The following ARHGAP12 variants were observed in gnomAD, a reference collection of about 807,000 sequenced individuals.
ARHGAP12 encodes rho GTPase-activating protein 12.
A neutral mutation model predicts 108.6 loss-of-function variants in ARHGAP12; 64 were observed. The observed-to-expected ratio is 0.59, with a 90% CI of 0.48 to 0.73. The LOEUF (loss-of-function observed/expected upper bound fraction) is 0.73, where lower values mean the gene tolerates loss of function less well. Ranked by LOEUF, ARHGAP12 falls within the 30% of genes least tolerant of loss-of-function variation. The probability of loss-of-function intolerance (pLI) is 0.00; values close to 1 mark genes in which losing one functional copy is unlikely to be tolerated. For synonymous variants in ARHGAP12, 312 were observed against 337.2 expected, an observed-to-expected ratio of 0.93 and a Z score of 0.82; for missense variants, 940 against 1,005.9, an observed-to-expected ratio of 0.93 and a Z score of 0.89.
chr10:31,920,351 G>A (rs1271591165), intron 1 of ARHGAP12, among the ~76,000 whole-genome samples: 2 of 145,742 alleles, frequency 1.4e-5, no homozygotes, highest in African/African-American at 5.1e-5. Context: ...TAGGGAGGCT[G>A]AGGCAGGAGA....
chr10:31,817,753 C>A, intron 13 of ARHGAP12, 35 bp downstream of exon 13: 1 of 1,414,596 alleles, frequency 7.1e-7, no homozygotes, highest in South Asian at 1.3e-5. Flanking sequence ...AAAAACAGCT[C>A]TGAAGTAAAA....
At chr10:31,863,468 C>T (rs1293549818) in intron 3 of ARHGAP12, among the ~76,000 whole-genome samples, 2 of 152,208 alleles carry the variant, frequency 1.3e-5, no homozygotes, top group South Asian at 2.1e-4. Flanking sequence ...TGTTTATGAA[C>T]AAACTCTACT....
At chr10:31,858,619 A>G (rs779750837) in intron 4 of ARHGAP12, among the ~76,000 whole-genome samples, 3 of 152,154 alleles carry the variant, frequency 2.0e-5, no homozygotes, top group Non-Finnish European at 4.4e-5. Context: ...TGTGACAACC[A>G]AAACAAGTCT....
At chr10:31,876,797 A>C (rs1200893820) in intron 3 of ARHGAP12, among the ~76,000 whole-genome samples, 1 of 152,248 alleles carries the variant, frequency 6.6e-6, no homozygotes, top group Non-Finnish European at 1.5e-5. Flanking sequence ...TGCTACGAAC[A>C]GTTAGTGCTA....
intron 12 of ARHGAP12, 52 bp downstream of exon 12, chr10:31,820,335 C>T: frequency 7.1e-7 from 1 of 1,413,052 alleles, no homozygotes; most frequent in Non-Finnish European, 9.7e-7. Context: ...AAAAACAGAA[C>T]ATCCAATTAC....
intron 9 of ARHGAP12, among the ~76,000 whole-genome samples, chr10:31,837,570 T>C (rs1360720681): frequency 6.6e-6 from 1 of 152,130 alleles, no homozygotes; most frequent in East Asian, 1.9e-4. Flanking sequence ...GAAGGGTCCA[T>C]CTTGATGGAG....
intron 3 of ARHGAP12, among the ~76,000 whole-genome samples, chr10:31,906,043 A>C (rs909427837): frequency 3.3e-5 from 5 of 152,236 alleles, no homozygotes; most frequent in Admixed American, 6.5e-5. Context: ...AAAGATGAGG[A>C]CTAAAGGACA....
chr10:31,811,951 G>T (rs1041330867), intron 15 of ARHGAP12, among the ~76,000 whole-genome samples: 3 of 152,044 alleles, frequency 2.0e-5, no homozygotes, highest in African/African-American at 7.2e-5. Flanking sequence ...CACTGCACCT[G>T]GCCTTAAATA....
chr10:31,879,567 G>C (rs1837859144), intron 3 of ARHGAP12, among the ~76,000 whole-genome samples: 1 of 152,130 alleles, frequency 6.6e-6, no homozygotes, highest in Non-Finnish European at 1.5e-5. Flanking sequence ...TCTCAAAATT[G>C]TTTAACTTAT....
intron 12 of ARHGAP12, among the ~76,000 whole-genome samples, chr10:31,818,278 A>T (rs1216433667): frequency 6.6e-6 from 1 of 152,152 alleles, no homozygotes; most frequent in Admixed American, 6.5e-5. Context: ...AACCTGAGAA[A>T]TTTTTTTCTG....
chr10:31,885,818 CAAAA>C (rs766985293), intron 3 of ARHGAP12, among the ~76,000 whole-genome samples: 1 of 102,776 alleles, frequency 9.7e-6, no homozygotes, highest in African/African-American at 3.9e-5. Flanking sequence ...GACACCAACT[CAAAA>C]AAAAAAAAAA....
intron 1 of ARHGAP12, among the ~76,000 whole-genome samples, chr10:31,927,317 A>C (rs1840091780): frequency 6.6e-6 from 1 of 152,112 alleles, no homozygotes; most frequent in Non-Finnish European, 1.5e-5. Flanking sequence ...CAGATAAAGA[A>C]AAGGCGATAT....
At chr10:31,917,237 G>A (rs888818658) in intron 1 of ARHGAP12, among the ~76,000 whole-genome samples, 3 of 151,636 alleles carry the variant, frequency 2.0e-5, no homozygotes, top group African/African-American at 7.3e-5. Context: ...GTGAAACCTC[G>A]TCTCTACTAA....
In ARHGAP12 at chr10:31,854,207, C is replaced by A. The variant is rs767639890; in HGVS notation, c.949-1G>T. 5.6e-6 allele frequency: 9 copies of A among 1,599,132 alleles called. No homozygotes were observed. Among genetic ancestry groups the A allele is most frequent in the Non-Finnish European group, 7.7e-6 (9 of 1,176,062 alleles). On this transcript the variant is annotated splice_acceptor_variant, in intron 4 of 19. Transcript: ENST00000344936. LOFTEE classifies it high-confidence loss of function. ...AGTAGTTTTCTTCCGATGAAAGAAGCTACAAATAGTCAGAAACATAAGGAT... is the reference window on the plus strand; with the variant it reads ...AGTAGTTTTCTTCCGATGAAAGAAGATACAAATAGTCAGAAACATAAGGAT...
chr10:31,824,716 A>G (rs1359198516), intron 11 of ARHGAP12, among the ~76,000 whole-genome samples: 1 of 152,148 alleles, frequency 6.6e-6, no homozygotes, highest in Non-Finnish European at 1.5e-5. Flanking sequence ...CTGCCTACCT[A>G]CAGGATGCTC....
chr10:31,829,052 T>G (rs979752879), intron 10 of ARHGAP12, among the ~76,000 whole-genome samples: 2 of 152,168 alleles, frequency 1.3e-5, no homozygotes, highest in Non-Finnish European at 2.9e-5. Context: ...CTTGGGAGGC[T>G]GAGGCAGGAG....
intron 9 of ARHGAP12, among the ~76,000 whole-genome samples, chr10:31,837,351 C>A (rs767336983): frequency 6.6e-6 from 1 of 152,164 alleles, no homozygotes; most frequent in Non-Finnish European, 1.5e-5. Flanking sequence ...TGTTTATGTA[C>A]CCAGTACTGT....
intron 13 of ARHGAP12, among the ~76,000 whole-genome samples, chr10:31,815,076 G>A (rs1455411431): frequency 8.1e-5 from 12 of 148,736 alleles, no homozygotes; most frequent in African/African-American, 2.0e-4. Context: ...AGCCAAGATC[G>A]CGCCATTGCA....
intron 1 of ARHGAP12, among the ~76,000 whole-genome samples, chr10:31,920,018 A>T (rs1014044118): frequency 1.3e-5 from 2 of 151,076 alleles, no homozygotes; most frequent in Non-Finnish European, 2.9e-5. Context: ...AGGCAGGAGA[A>T]TCGCTTGAAC....
Sources: gnomAD v4.1 joint callset for allele counts (sites outside exome capture counted in the v4.1 genomes callset) on GRCh38, gnomAD v4.1.1 for gene constraint, MANE v1.5 for transcripts, NCBI Gene and HGNC (gene_info 2026-07-23, HGNC 2026-07-21) for gene names.